The following TMEM178A variants were observed in gnomAD, a reference collection of about 807,000 sequenced individuals.
TMEM178A encodes transmembrane protein 178.
Under a neutral mutation model 29.1 loss-of-function variants are expected in TMEM178A, and 12 were observed. That is an observed-to-expected ratio of 0.41 (90% CI 0.26 to 0.67). The LOEUF is 0.67. Ranked by LOEUF, TMEM178A falls within the 30% of genes least tolerant of loss-of-function variation. TMEM178A has a pLI of 0.29. For synonymous variants in TMEM178A, 210 were observed against 187.2 expected, an observed-to-expected ratio of 1.12 and a Z score of -0.99; for missense variants, 366 against 419.1, an observed-to-expected ratio of 0.87 and a Z score of 1.11.
intron 3 of TMEM178A, among the ~76,000 whole-genome samples, chr2:39,713,827 C>A (rs945479290): frequency 5.9e-5 from 9 of 152,214 alleles, no homozygotes; most frequent in Non-Finnish European, 2.9e-5. Flanking sequence ...AACTATTAAT[C>A]CAGCTATAGT....
downstream of TMEM178A, among the ~76,000 whole-genome samples, chr2:39,720,687 C>T (rs547468753): frequency 6.6e-6 from 1 of 152,250 alleles, no homozygotes; most frequent in South Asian, 2.1e-4. Context: ...CCTGGTAGAC[C>T]GTAGGTGCTC....
chr2:39,666,578 C>G (rs532107522), intron 1 of TMEM178A, among the ~76,000 whole-genome samples: 7 of 152,260 alleles, frequency 4.6e-5, no homozygotes, highest in African/African-American at 1.4e-4. Context: ...CCTTGACTCT[C>G]TTCTTTCGTC....
chr2:39,698,096 T>C (rs1172367665), intron 1 of TMEM178A: 1 of 152,220 alleles, frequency 6.6e-6, no homozygotes, highest in African/African-American at 2.4e-5. Context: ...ATTGGAAAGA[T>C]TGTTTTTTAT....
chr2:39,669,538 C>G (rs777141299), intron 1 of TMEM178A, among the ~76,000 whole-genome samples: 1 of 152,174 alleles, frequency 6.6e-6, no homozygotes, highest in African/African-American at 2.4e-5. Flanking sequence ...TGTTTTCACA[C>G]TCTTATTATG....
intron 3 of TMEM178A, among the ~76,000 whole-genome samples, chr2:39,711,542 A>T (rs1219163157): frequency 6.6e-6 from 1 of 152,178 alleles, no homozygotes; most frequent in Admixed American, 6.5e-5. Flanking sequence ...TCCCTTCCTG[A>T]CAGCAGAGAC....
At chr2:39,686,659 A>G (rs1311961712) in intron 1 of TMEM178A, among the ~76,000 whole-genome samples, 1 of 125,678 alleles carries the variant, frequency 8.0e-6, no homozygotes, top group Non-Finnish European at 1.6e-5. Flanking sequence ...AGTAGGCAGT[A>G]GCGTCTGGGG....
the TMEM178A span, among the ~76,000 whole-genome samples, chr2:39,723,819 A>G: frequency 9.9e-5 from 15 of 152,186 alleles, no homozygotes; most frequent in African/African-American, 2.9e-4. Flanking sequence ...ATCCACGTCA[A>G]CTACCCAAGA....
At chr2:39,672,702 A>G (rs1335149413) in intron 1 of TMEM178A, among the ~76,000 whole-genome samples, 1 of 151,016 alleles carries the variant, frequency 6.6e-6, no homozygotes, top group Non-Finnish European at 1.5e-5. Context: ...GGCTGATTTA[A>G]AAAAAAAACA....
At chr2:39,665,894 CG>C (rs1670123157), upstream of TMEM178A, 3 of 1,215,130 alleles carry the variant, frequency 2.5e-6, no homozygotes, top group South Asian at 7.1e-5. Flanking sequence ...AGGGAGGGAG[CG>C]GGCGGAGAGC....
intron 1 of TMEM178A, among the ~76,000 whole-genome samples, chr2:39,667,211 T>A (rs1670205609): frequency 6.6e-6 from 1 of 152,208 alleles, no homozygotes; most frequent in African/African-American, 2.4e-5. Flanking sequence ...CTGTCTTCTG[T>A]TCGTGGTACC....
chr2:39,705,014 A>G (rs1222498346), intron 2 of TMEM178A, among the ~76,000 whole-genome samples: 1 of 152,260 alleles, frequency 6.6e-6, no homozygotes, highest in African/African-American at 2.4e-5. Flanking sequence ...GGAAGCTCTT[A>G]TGATATTGCC....
rs148144800 is a variant in TMEM178A, at chr2:39,672,965, T to C, written c.400+6591T>C. 5.6e-3 allele frequency among the ~76,000 whole-genome samples: 846 copies of C among 152,288 alleles called. 12 individuals are homozygous for C. The highest frequency in any genetic ancestry group is 0.019 in the African/African-American group (787 of 41,566). On this transcript the variant is annotated intron_variant, in intron 1 of 3. Coordinates refer to ENST00000281961, the MANE Select transcript of TMEM178A (RefSeq NM_152390.3). ...CCAGGGGATGGGAACATTGAAGGAA[T>C]TGAGGTGGGTCACAGGGTTTTCCCA...
chr2:39,710,741 T>C (rs953975618), intron 3 of TMEM178A, among the ~76,000 whole-genome samples: 6 of 152,240 alleles, frequency 3.9e-5, no homozygotes, highest in Non-Finnish European at 5.9e-5. Flanking sequence ...AGAATGTCTT[T>C]AGCCACTCAA....
At chr2:39,684,560 C>T (rs1330074306) in intron 1 of TMEM178A, among the ~76,000 whole-genome samples, 1 of 152,136 alleles carries the variant, frequency 6.6e-6, no homozygotes, top group African/African-American at 2.4e-5. Flanking sequence ...TGCATAGCCA[C>T]CTATTCCCAT....
At chr2:39,721,001 A>G (rs139571423), downstream of TMEM178A, among the ~76,000 whole-genome samples, 9 of 152,352 alleles carry the variant, frequency 5.9e-5, no homozygotes, top group East Asian at 1.7e-3. Flanking sequence ...CTACACCTCA[A>G]TTTAAAGCGT....
At chr2:39,703,247 A>T (rs549985130) in intron 1 of TMEM178A, among the ~76,000 whole-genome samples, 1 of 152,332 alleles carries the variant, frequency 6.6e-6, no homozygotes, top group Admixed American at 6.5e-5. Context: ...TGAGAGGAGA[A>T]CATTTTATAA....
In TMEM178A at chr2:39,707,204, G is replaced by A. The variant is rs1672071081; in HGVS notation, c.652+18G>A. 1 of 1,602,000 alleles carries A rather than the reference G, an allele frequency of 6.2e-7. No individual in the cohort carries two copies. ...CATGACAGGTAGGCTGCATGCCTCA[G>A]GCCGTCTGTCCCAGCCAAGGTGAAG... On this transcript the variant is annotated intron_variant, in intron 3 of 3. Coordinates refer to ENST00000281961, the MANE Select transcript of TMEM178A (RefSeq NM_152390.3).
At chr2:39,721,352 G>A (rs567407071), downstream of TMEM178A, among the ~76,000 whole-genome samples, 3 of 152,216 alleles carry the variant, frequency 2.0e-5, no homozygotes, top group African/African-American at 7.2e-5. Context: ...TCTGCCTGGA[G>A]CCCCTGTAAG....
chr2:39,730,972 C>A, the TMEM178A span, among the ~76,000 whole-genome samples: 1 of 152,314 alleles, frequency 6.6e-6, no homozygotes, highest in East Asian at 1.9e-4. Flanking sequence ...TATCTTCCTG[C>A]TGGCACAATA....
Sources: allele counts gnomAD v4.1 joint callset (sites outside exome capture counted in the v4.1 genomes callset), GRCh38; gene constraint gnomAD v4.1.1; transcripts MANE v1.5; gene names NCBI Gene and HGNC (gene_info 2026-07-23, HGNC 2026-07-21).